WDR59: variants seen among roughly 807,000 people sequenced by gnomAD.
WDR59 encodes the protein WD repeat domain 59.
A neutral mutation model predicts 131.2 loss-of-function variants in WDR59; 100 were observed. The observed-to-expected ratio is 0.76, with a 90% CI of 0.65 to 0.90. WDR59 has a LOEUF of 0.90. WDR59 is among the 40% of genes least tolerant of loss of function. WDR59 has a pLI of 0.00. For missense variants in WDR59, 1,203 were observed against 1,262.2 expected (o/e 0.95, Z 0.71); for synonymous variants, 601 against 466.2 (o/e 1.29, Z -3.72).
intron 1 of WDR59, 23 bp from the exon 2 acceptor site, chr16:74,965,845 A>C: frequency 6.2e-7 from 1 of 1,614,082 alleles, no homozygotes. Context: ...ACACAGAGTC[A>C]GTGCTGCCAG....
At chr16:74,962,079 T>G (rs2033591077) in intron 2 of WDR59, among the ~76,000 whole-genome samples, 1 of 152,178 alleles carries the variant, frequency 6.6e-6, no homozygotes, top group South Asian at 2.1e-4. Flanking sequence ...TTGTCAAGTT[T>G]GTCAAAGATC....
At chr16:74,945,815 C>CTTTT (rs777336166) in intron 6 of WDR59, among the ~76,000 whole-genome samples, 3 of 133,020 alleles carry the variant, frequency 2.3e-5, no homozygotes, top group East Asian at 2.1e-4. Context: ...ATTCACATAA[C>CTTTT]TTTTTTTTTT....
intron 25 of WDR59, among the ~76,000 whole-genome samples, chr16:74,877,224 G>T (rs1192159096): frequency 6.6e-6 from 1 of 151,882 alleles, no homozygotes; most frequent in Non-Finnish European, 1.5e-5. Flanking sequence ...TGCTGGTTTT[G>T]TGTATATCTC....
chr16:74,927,851 C>G (rs1275284976), intron 8 of WDR59, among the ~76,000 whole-genome samples: 1 of 150,610 alleles, frequency 6.6e-6, no homozygotes, highest in Non-Finnish European at 1.5e-5. Context: ...AGATGCTGGA[C>G]TTGAAGAGGA....
chr16:74,976,901 A>G (rs780995450), intron 1 of WDR59, among the ~76,000 whole-genome samples: 1 of 152,156 alleles, frequency 6.6e-6, no homozygotes, highest in Non-Finnish European at 1.5e-5. Flanking sequence ...CAACTACTTA[A>G]GAGGCCAAGG....
At chr16:74,925,250 A>G (rs565768277) in intron 8 of WDR59, among the ~76,000 whole-genome samples, 1 of 152,294 alleles carries the variant, frequency 6.6e-6, no homozygotes, top group African/African-American at 2.4e-5. Flanking sequence ...AAGGTTATAT[A>G]CTAGTCCGGG....
At chr16:74,917,784 G>A in intron 11 of WDR59, 145 bp downstream of exon 11, 2 of 658,064 alleles carry the variant, frequency 3.0e-6, no homozygotes, top group East Asian at 3.2e-5. Context: ...ACTCCAGCCT[G>A]GGCGATTCAG....
At chr16:74,884,820 G>T (rs1319198593) in intron 25 of WDR59, among the ~76,000 whole-genome samples, 1 of 152,110 alleles carries the variant, frequency 6.6e-6, no homozygotes, top group Non-Finnish European at 1.5e-5. Context: ...CTCAGTGTGG[G>T]ATGCTCTTTT....
chr16:74,977,144 G>C (rs1190815950), intron 1 of WDR59, among the ~76,000 whole-genome samples: 1 of 151,980 alleles, frequency 6.6e-6, no homozygotes, highest in Non-Finnish European at 1.5e-5. Context: ...GCAGAACCAG[G>C]AGGATCATTT....
At chr16:74,886,603 C>T in intron 23 of WDR59, 1 of 548,966 alleles carries the variant, frequency 1.8e-6, no homozygotes, top group East Asian at 3.6e-5. Context: ...AACTTGATCA[C>T]TAAGTACACA....
At chr16:74,906,899 T>A (rs1165351266) in intron 17 of WDR59, among the ~76,000 whole-genome samples, 1 of 152,212 alleles carries the variant, frequency 6.6e-6, no homozygotes, top group Non-Finnish European at 1.5e-5. Flanking sequence ...TATCTTGATA[T>A]GAGTGTTGGT....
chr16:74,950,136 G>C (rs1266955184), intron 4 of WDR59, among the ~76,000 whole-genome samples: 1 of 152,150 alleles, frequency 6.6e-6, no homozygotes, highest in Non-Finnish European at 1.5e-5. Context: ...GAGGTCACAA[G>C]TTCGAGACCA....
At chr16:74,975,023 G>A (rs113625117) in intron 1 of WDR59, among the ~76,000 whole-genome samples, 6,783 of 152,186 alleles carry the variant, frequency 0.045, 199 homozygotes, top group Middle Eastern at 0.14. Context: ...GCATGGCCTG[G>A]GGAACCCCCA....
chr16:74,978,863 T>C (rs953772161), intron 1 of WDR59: 2 of 152,164 alleles, frequency 1.3e-5, no homozygotes, highest in South Asian at 2.1e-4. Flanking sequence ...ATACAGAGCT[T>C]GATTTTCTCG....
chr16:74,957,115 C>G (rs1457565272), intron 2 of WDR59, among the ~76,000 whole-genome samples: 1 of 137,726 alleles, frequency 7.3e-6, no homozygotes, highest in Non-Finnish European at 1.5e-5. Flanking sequence ...GAGTCTCGCT[C>G]TGTCACCCAG....
intron 10 of WDR59, 57 bp from the exon 11 acceptor site, chr16:74,918,065 T>C: frequency 6.4e-7 from 1 of 1,559,148 alleles, no homozygotes; most frequent in Non-Finnish European, 8.8e-7. Context: ...GTCTATTTGC[T>C]AGAGGTTGAA....
intron 14 of WDR59, among the ~76,000 whole-genome samples, chr16:74,911,707 T>G (rs992591875): frequency 6.6e-6 from 1 of 152,308 alleles, no homozygotes; most frequent in Non-Finnish European, 1.5e-5. Flanking sequence ...TGACCTTACA[T>G]ATGTTTTTTT....
chr16:74,915,970 T>C lies in WDR59; in HGVS notation c.1124A>G (p.Asn375Ser). Residue 375 changes from asparagine (N) to serine (S), a missense_variant, in exon 13 of 26, where the codon AAT becomes AGT. Transcript: ENST00000262144. ...ATCTGATTTCCTCTCTTCCAGGAGA[T>C]TTCTAGGGGGATCTTCTTTTAGGGC... ...EEALKEDPPR[N>S]LLEERKSDQL... 6.2e-7 allele frequency: 1 copy of C among 1,614,154 alleles called. No homozygotes were observed. Among genetic ancestry groups the C allele is most frequent in the Non-Finnish European group, 8.5e-7 (1 of 1,180,032 alleles).
At chr16:74,875,620 C>G (rs892251785) in intron 25 of WDR59, among the ~76,000 whole-genome samples, 3 of 152,220 alleles carry the variant, frequency 2.0e-5, no homozygotes, top group African/African-American at 4.8e-5. Context: ...CATCCCTAAC[C>G]CATCACCACT....
Sources: gnomAD v4.1 joint callset for allele counts (sites outside exome capture counted in the v4.1 genomes callset) on GRCh38, gnomAD v4.1.1 for gene constraint, MANE v1.5 for transcripts, NCBI Gene and HGNC (gene_info 2026-07-23, HGNC 2026-07-21) for gene names.